The following ZFYVE9 variants were observed in gnomAD, a reference collection of about 807,000 sequenced individuals.
ZFYVE9 encodes zinc finger FYVE domain-containing protein 9.
Under a neutral mutation model 126.7 loss-of-function variants are expected in ZFYVE9, and 43 were observed. The ratio of observed to expected loss-of-function variants is 0.34; its 90% CI spans 0.27 to 0.44. The LOEUF is 0.44. Among genes scored for constraint, ZFYVE9 ranks in the 20% least tolerant of loss-of-function variants. The probability of loss-of-function intolerance (pLI) is 1.00; values close to 1 mark genes in which losing one functional copy is unlikely to be tolerated. For synonymous variants in ZFYVE9, 521 were observed against 597.4 expected (o/e 0.87, Z 1.87); for missense variants, 1,476 against 1,697.0 (o/e 0.87, Z 2.29).
intron 10 of ZFYVE9, among the ~76,000 whole-genome samples, chr1:52,290,631 G>A (rs1645909850): frequency 6.6e-6 from 1 of 152,066 alleles, no homozygotes; most frequent in Admixed American, 6.5e-5. Context: ...AGAAGCAATG[G>A]TAAATTTGGG....
At chr1:52,269,907 C>A (rs1645672517) in intron 7 of ZFYVE9, among the ~76,000 whole-genome samples, 1 of 152,076 alleles carries the variant, frequency 6.6e-6, no homozygotes, top group African/African-American at 2.4e-5. Context: ...TCTGCCACAG[C>A]CTCCCAAATA....
intron 14 of ZFYVE9, 34 bp downstream of exon 14, chr1:52,332,952 G>A: frequency 6.2e-7 from 1 of 1,613,150 alleles, no homozygotes; most frequent in Non-Finnish European, 8.5e-7. Context: ...TTATGATAAT[G>A]GAAAATTATA....
chr1:52,235,563 A>G (rs921189779), intron 3 of ZFYVE9, among the ~76,000 whole-genome samples: 3 of 152,060 alleles, frequency 2.0e-5, no homozygotes, highest in Non-Finnish European at 4.4e-5. Flanking sequence ...AGGATTTGAC[A>G]TTTCAGAGGA....
chr1:52,309,939 T>G (rs1407028556), intron 13 of ZFYVE9, among the ~76,000 whole-genome samples: 2 of 152,172 alleles, frequency 1.3e-5, no homozygotes, highest in Non-Finnish European at 2.9e-5. Flanking sequence ...TAAAGATCCT[T>G]GTTGGTTAAG....
chr1:52,270,703 A>G (rs993955758), intron 7 of ZFYVE9, among the ~76,000 whole-genome samples: 5 of 151,948 alleles, frequency 3.3e-5, no homozygotes, highest in African/African-American at 1.2e-4. Context: ...TTTAATCTTG[A>G]ATAGTTCTCT....
At chr1:52,274,712 A>G (rs1040201734) in intron 8 of ZFYVE9, 128 bp downstream of exon 8, 8 of 1,000,852 alleles carry the variant, frequency 8.0e-6, no homozygotes, top group Admixed American at 3.2e-5. Context: ...CTCCCCCAAA[A>G]CTATGAAAAT....
intron 17 of ZFYVE9, 48 bp from the exon 18 acceptor site, chr1:52,344,720 C>G (rs1359885017): frequency 1.1e-5 from 17 of 1,601,372 alleles, no homozygotes; most frequent in Non-Finnish European, 1.4e-5. Flanking sequence ...ATCTACTTCT[C>G]CCAAAATCTA....
At chr1:52,274,615 G>C in intron 8 of ZFYVE9, 31 bp downstream of exon 8, 1 of 1,557,340 alleles carries the variant, frequency 6.4e-7, no homozygotes, top group Non-Finnish European at 8.8e-7. Context: ...AACAGTGATA[G>C]TTCTATCTGC....
At chr1:52,275,187 T>C (rs1045895888) in intron 8 of ZFYVE9, among the ~76,000 whole-genome samples, 1 of 152,216 alleles carries the variant, frequency 6.6e-6, no homozygotes, top group Admixed American at 6.5e-5. Flanking sequence ...TTATGATTGA[T>C]CCTGTCACCC....
At chr1:52,193,811 CACACACAT>C in intron 1 of ZFYVE9, among the ~76,000 whole-genome samples, 1 of 151,432 alleles carries the variant, frequency 6.6e-6, no homozygotes, top group African/African-American at 2.4e-5. Flanking sequence ...CGCGCGCACA[CACACACAT>C]GTGTCCAAGG....
intron 4 of ZFYVE9, among the ~76,000 whole-genome samples, chr1:52,259,291 A>G (rs748877867): frequency 2.0e-5 from 3 of 152,096 alleles, no homozygotes; most frequent in Non-Finnish European, 2.9e-5. Flanking sequence ...ACCTCTGTAG[A>G]GACCCTATCT....
intron 13 of ZFYVE9, among the ~76,000 whole-genome samples, chr1:52,330,337 C>T (rs1557523013): frequency 2.6e-5 from 4 of 152,190 alleles, no homozygotes; most frequent in Non-Finnish European, 1.5e-5. Flanking sequence ...GATAGTGTCA[C>T]TGCACTCCAG....
At chr1:52,265,622 C>T (rs893990193) in intron 5 of ZFYVE9, among the ~76,000 whole-genome samples, 8 of 152,160 alleles carry the variant, frequency 5.3e-5, no homozygotes, top group African/African-American at 1.7e-4. Flanking sequence ...TGGTTGATCA[C>T]ACTTACATGA....
intron 1 of ZFYVE9, among the ~76,000 whole-genome samples, chr1:52,189,651 G>A (rs914525958): frequency 2.0e-5 from 3 of 150,714 alleles, no homozygotes; most frequent in Non-Finnish European, 2.9e-5. Flanking sequence ...GGGATTACAG[G>A]TGTGAGCCAC....
intron 4 of ZFYVE9, among the ~76,000 whole-genome samples, chr1:52,255,944 TTTTCTTTTCTTTTCTTTTCTTTTC>T (rs750084128): frequency 7.7e-4 from 96 of 124,462 alleles, no homozygotes; most frequent in African/African-American, 2.2e-3. Flanking sequence ...TTTTCTTTTC[TTTTCTTTTCTTTTCTTTTCTTTTC>T]TTTCTTTCTT....
At chr1:52,146,506 G>T (rs1019219881) in intron 1 of ZFYVE9, among the ~76,000 whole-genome samples, 1 of 152,068 alleles carries the variant, frequency 6.6e-6, no homozygotes, top group African/African-American at 2.4e-5. Flanking sequence ...GGACAAGTTT[G>T]TTACCCTCTT....
intron 1 of ZFYVE9, among the ~76,000 whole-genome samples, chr1:52,170,335 T>C (rs1217237754): frequency 6.6e-6 from 1 of 152,160 alleles, no homozygotes; most frequent in Non-Finnish European, 1.5e-5. Flanking sequence ...TCATCTCTGA[T>C]TTCGTTTGAG....
Position 52,159,248 on chromosome 1 carries a change from G to A in ZFYVE9, c.-143+16845G>A, listed in dbSNP as rs569681830. Among the ~76,000 whole-genome samples, 4 of 152,234 alleles carry A rather than the reference G, an allele frequency of 2.6e-5. No homozygotes were observed. The South Asian group carries it at 8.3e-4, about 32-fold the overall frequency. ...CCTGTCATGCCTCACATACCACCTG[G>A]GATGAGAGCTTCATTGTCAGTTGGG... On this transcript the variant is annotated intron_variant, in intron 1 of 18. Transcript: ENST00000287727.
At chr1:52,343,082 G>GT (rs1296176478) in intron 17 of ZFYVE9, among the ~76,000 whole-genome samples, 5 of 151,066 alleles carry the variant, frequency 3.3e-5, no homozygotes, top group Admixed American at 6.6e-5. Flanking sequence ...AATTTTTTTT[G>GT]TTTTTTGTTT....
Sources: gnomAD v4.1 joint callset for allele counts (sites outside exome capture counted in the v4.1 genomes callset) on GRCh38, gnomAD v4.1.1 for gene constraint, MANE v1.5 for transcripts, NCBI Gene and HGNC (gene_info 2026-07-23, HGNC 2026-07-21) for gene names.